ABLIM3: variants seen among roughly 807,000 people sequenced by gnomAD.
ABLIM3 encodes actin binding LIM protein family member 3.
A neutral mutation model predicts 109.5 loss-of-function variants in ABLIM3; 61 were observed. The observed-to-expected ratio is 0.56, with a 90% CI of 0.45 to 0.69. The LOEUF (loss-of-function observed/expected upper bound fraction) is 0.69, where lower values mean the gene tolerates loss of function less well. ABLIM3 is among the 30% of genes least tolerant of loss of function. ABLIM3 has a pLI of 0.00. For synonymous variants in ABLIM3, 300 were observed against 324.8 expected, an observed-to-expected ratio of 0.92 and a Z score of 0.82; for missense variants, 796 against 889.5, an observed-to-expected ratio of 0.89 and a Z score of 1.34.
rs749466680 is a variant in ABLIM3 at position 149,252,845 on chromosome 5, T to TA, written c.1938+14dup. On this transcript the variant is annotated intron_variant, in intron 23 of 23. Coordinates refer to ENST00000309868, the MANE Select transcript of ABLIM3 (RefSeq NM_014945.5). Reference sequence around the variant, plus strand: ...GACAGGACCCGTTTAGAGGTAAGTCTAAAAAACTGAGCAGGAGCTCTTGGG... The same window carrying TA: ...GACAGGACCCGTTTAGAGGTAAGTCTAAAAAAACTGAGCAGGAGCTCTTGGG... 3.1e-6 allele frequency: 5 copies of TA among 1,610,828 alleles called. No individual in the cohort carries two copies. The highest frequency in any genetic ancestry group is 1.1e-5 in the South Asian group (1 of 91,004).
intron 22 of ABLIM3, 116 bp downstream of exon 22, chr5:149,252,324 C>A (rs1256012943): frequency 8.3e-7 from 1 of 1,199,302 alleles, no homozygotes; most frequent in East Asian, 2.6e-5. Context: ...GATAAATAAC[C>A]CCAGGGGTCC....
At chr5:149,175,526 C>G (rs1196952407) in intron 2 of ABLIM3, among the ~76,000 whole-genome samples, 1 of 152,014 alleles carries the variant, frequency 6.6e-6, no homozygotes, top group African/African-American at 2.4e-5. Flanking sequence ...AGTGAGAACA[C>G]AGATCTACTT....
chr5:149,207,344 C>G (rs568187147), intron 6 of ABLIM3, among the ~76,000 whole-genome samples: 16 of 152,258 alleles, frequency 1.1e-4, no homozygotes, highest in Non-Finnish European at 1.9e-4. Context: ...CCTCCCTGTT[C>G]CTTGCACGCC....
chr5:149,197,354 C>T (rs1452622004), intron 3 of ABLIM3, among the ~76,000 whole-genome samples: 1 of 152,182 alleles, frequency 6.6e-6, no homozygotes, highest in African/African-American at 2.4e-5. Context: ...GATGCTACCT[C>T]CTCTGAAAAG....
At chr5:149,188,930 G>A (rs1757228632) in intron 3 of ABLIM3, among the ~76,000 whole-genome samples, 1 of 152,180 alleles carries the variant, frequency 6.6e-6, no homozygotes, top group South Asian at 2.1e-4. Context: ...TAAAAAGAAC[G>A]AAGTTGGAGA....
At chr5:149,187,855 T>TTTA (rs1389548204) in intron 3 of ABLIM3, among the ~76,000 whole-genome samples, 10 of 152,144 alleles carry the variant, frequency 6.6e-5, no homozygotes, top group Admixed American at 6.5e-4. Context: ...TCGGAATTTG[T>TTTA]TTAGCCTGTG....
chr5:149,195,752 C>T (rs1757906754), intron 3 of ABLIM3, among the ~76,000 whole-genome samples: 1 of 152,236 alleles, frequency 6.6e-6, no homozygotes, highest in Non-Finnish European at 1.5e-5. Context: ...CTCTGGTTTG[C>T]CTGCTCGTGA....
At position 149,203,941 on chromosome 5, in the gene ABLIM3, C is replaced by G. The variant is rs983768329; in HGVS notation, c.449-3067C>G. 2.0e-5 allele frequency among the ~76,000 whole-genome samples: 3 copies of G among 152,164 alleles called. No homozygotes were observed. The East Asian group carries it at 5.8e-4, about 29-fold the overall frequency. ...CATAAATGACTTGCCCAAAGTCACC[C>G]AGATAATGAGTAATGGAACTAGAAT... On this transcript the variant is annotated intron_variant, in intron 5 of 23. Transcript: ENST00000309868.
intron 1 of ABLIM3, 118 bp from the exon 2 acceptor site, chr5:149,141,891 T>A: frequency 1.4e-6 from 1 of 704,554 alleles, no homozygotes; most frequent in Non-Finnish European, 2.5e-6. Flanking sequence ...CACCTGCGCC[T>A]ATTAGTCCAC....
chr5:149,153,652 T>C (rs996142857), intron 2 of ABLIM3, among the ~76,000 whole-genome samples: 2 of 152,052 alleles, frequency 1.3e-5, no homozygotes, highest in Non-Finnish European at 2.9e-5. Flanking sequence ...ACCGGAACAG[T>C]GGAAGGACTT....
chr5:149,173,883 G>A (rs942205161), intron 2 of ABLIM3, among the ~76,000 whole-genome samples: 4 of 151,728 alleles, frequency 2.6e-5, no homozygotes, highest in Non-Finnish European at 5.9e-5. Flanking sequence ...TTAGCCGGAC[G>A]TCGTGGCGGG....
chr5:149,197,441 C>T (rs1049556202), intron 3 of ABLIM3, among the ~76,000 whole-genome samples: 27 of 152,250 alleles, frequency 1.8e-4, no homozygotes, highest in African/African-American at 6.3e-4. Flanking sequence ...GCACCGGTTC[C>T]GTGGACCATC....
chr5:149,169,253 A>G (rs576283078), intron 2 of ABLIM3, among the ~76,000 whole-genome samples: 1 of 152,270 alleles, frequency 6.6e-6, no homozygotes, highest in East Asian at 1.9e-4. Context: ...ATTTGACGTA[A>G]CAGGAAACCC....
At chr5:149,164,624 C>T (rs1754665770) in intron 2 of ABLIM3, among the ~76,000 whole-genome samples, 3 of 152,048 alleles carry the variant, frequency 2.0e-5, no homozygotes, top group Admixed American at 6.6e-5. Flanking sequence ...GATGCATACT[C>T]GTTTGAGAAT....
chr5:149,254,210 C>G (rs1227135574), intron 23 of ABLIM3, among the ~76,000 whole-genome samples: 3 of 152,136 alleles, frequency 2.0e-5, no homozygotes, highest in East Asian at 1.9e-4. Context: ...ATCTCACCAG[C>G]CTCCTTGCTC....
intron 8 of ABLIM3, chr5:149,220,282 A>G (rs1760512631): frequency 6.6e-6 from 1 of 152,244 alleles, no homozygotes; most frequent in South Asian, 2.1e-4. Context: ...CAGGTGCTAA[A>G]AGAGTTAAGC....
chr5:149,206,249 G>A (rs1758955327), intron 5 of ABLIM3, among the ~76,000 whole-genome samples: 1 of 152,198 alleles, frequency 6.6e-6, no homozygotes, highest in South Asian at 2.1e-4. Flanking sequence ...GGGTGACCGT[G>A]TCAGGGAGTG....
intron 9 of ABLIM3, 103 bp downstream of exon 9, chr5:149,230,810 G>A: frequency 7.6e-7 from 1 of 1,311,992 alleles, no homozygotes; most frequent in Non-Finnish European, 1.1e-6. Context: ...TCCTTAGTGT[G>A]CACACTCCCA....
In ABLIM3 at chr5:149,196,991, A is replaced by G. The variant is rs73276889; in HGVS notation, c.152-1228A>G. Among the ~76,000 whole-genome samples the G allele has an allele frequency of 8.6e-3, 1,315 of 152,304 alleles. 10 individuals carry two copies. The highest frequency in any genetic ancestry group is 0.03 in the African/African-American group (1,251 of 41,566). On this transcript the variant is annotated intron_variant, in intron 3 of 23. Coordinates refer to ENST00000309868, the MANE Select transcript of ABLIM3 (RefSeq NM_014945.5). ...CAAAAGACTAGGAAATGCCTTGTAAAATCCTGTTGCATCTCTGTTCAAAAG... is the reference window on the plus strand; with the variant it reads ...CAAAAGACTAGGAAATGCCTTGTAAGATCCTGTTGCATCTCTGTTCAAAAG...
Sources: gnomAD v4.1 joint callset for allele counts (sites outside exome capture counted in the v4.1 genomes callset) on GRCh38, gnomAD v4.1.1 for gene constraint, MANE v1.5 for transcripts, NCBI Gene and HGNC (gene_info 2026-07-23, HGNC 2026-07-21) for gene names.